MET: variants seen among roughly 807,000 people sequenced by gnomAD.
The protein encoded by MET is hepatocyte growth factor receptor.
In MET, 48 loss-of-function variants were observed where a neutral mutation model predicts 133.1. The ratio of observed to expected loss-of-function variants is 0.36; its 90% CI spans 0.29 to 0.46. The LOEUF (loss-of-function observed/expected upper bound fraction) is 0.46, where lower values mean the gene tolerates loss of function less well. Ranked by LOEUF, MET falls within the 20% of genes least tolerant of loss-of-function variation. The pLI is 1.00. For synonymous variants in MET, 628 were observed against 616.5 expected (o/e 1.02, Z -0.28); for missense variants, 1,442 against 1,695.9 (o/e 0.85, Z 2.63).
chr7:116,735,532 T>C (rs1218669045), intron 3 of MET, among the ~76,000 whole-genome samples: 1 of 152,162 alleles, frequency 6.6e-6, no homozygotes, highest in African/African-American at 2.4e-5. Context: ...GTGAGAAGCC[T>C]GTAGTATGCA....
At chr7:116,729,403 A>G (rs1190129568) in intron 2 of MET, among the ~76,000 whole-genome samples, 1 of 152,222 alleles carries the variant, frequency 6.6e-6, no homozygotes, top group East Asian at 1.9e-4. Flanking sequence ...AAAAGTCAGT[A>G]GATGTAAAAA....
At chr7:116,757,606 G>A (rs564891216) in intron 7 of MET, 32 bp from the exon 8 acceptor site, 8 of 1,613,524 alleles carry the variant, frequency 5.0e-6, no homozygotes, top group South Asian at 4.4e-5. Context: ...AGATGAACAA[G>A]TTACTTTGTT....
chr7:116,717,665 T>C (rs1320874990), intron 2 of MET, among the ~76,000 whole-genome samples: 1 of 152,206 alleles, frequency 6.6e-6, no homozygotes, highest in East Asian at 1.9e-4. Context: ...TGGCAAAGAT[T>C]TTACAAGATA....
chr7:116,692,618 G>A (rs1350111216), intron 1 of MET, among the ~76,000 whole-genome samples: 5 of 152,176 alleles, frequency 3.3e-5, no homozygotes, highest in South Asian at 2.1e-4. Context: ...AGATTAAGTC[G>A]CTGGTTTTAA....
intron 2 of MET, among the ~76,000 whole-genome samples, chr7:116,731,451 A>G (rs2116776914): frequency 6.6e-6 from 1 of 152,296 alleles, no homozygotes; most frequent in East Asian, 1.9e-4. Context: ...CATGGTGTGA[A>G]TTGCGATAGT....
At chr7:116,741,968 C>T (rs376372586) in intron 5 of MET, among the ~76,000 whole-genome samples, 2 of 152,166 alleles carry the variant, frequency 1.3e-5, no homozygotes, top group African/African-American at 4.8e-5. Context: ...ATGAAAATCT[C>T]CACGCAATTT....
intron 1 of MET, among the ~76,000 whole-genome samples, chr7:116,682,131 A>G (rs57407780): frequency 0.15 from 22,313 of 152,168 alleles, 2,790 homozygotes; most frequent in African/African-American, 0.34. Context: ...TCTTCAAAGA[A>G]CTTACCAAAA....
chr7:116,727,795 C>A (rs894911498), intron 2 of MET, among the ~76,000 whole-genome samples: 1 of 152,178 alleles, frequency 6.6e-6, no homozygotes, highest in African/African-American at 2.4e-5. Context: ...GATAAAGCAA[C>A]CCCGTCTTTT....
intron 5 of MET, among the ~76,000 whole-genome samples, chr7:116,744,116 CA>C (rs1286873438): frequency 6.6e-6 from 1 of 151,794 alleles, no homozygotes; most frequent in Admixed American, 6.6e-5. Context: ...TTCCAAAAAC[CA>C]GAACACCTCT....
intron 3 of MET, among the ~76,000 whole-genome samples, 185 bp downstream of exon 3, chr7:116,732,044 T>A (rs1305791402): frequency 1.3e-5 from 2 of 152,266 alleles, no homozygotes; most frequent in Non-Finnish European, 2.9e-5. Context: ...GGTCTCTTTT[T>A]ATTAAGTTCT....
At chr7:116,684,073 T>C (rs1214291712) in intron 1 of MET, among the ~76,000 whole-genome samples, 1 of 152,208 alleles carries the variant, frequency 6.6e-6, no homozygotes, top group African/African-American at 2.4e-5. Flanking sequence ...GACCAGAAGC[T>C]ACATCAGGGT....
intron 19 of MET, among the ~76,000 whole-genome samples, chr7:116,792,456 GACACACACACACAC>G (rs56212730): frequency 1.3e-3 from 101 of 80,736 alleles, no homozygotes; most frequent in Middle Eastern, 0.012. Context: ...TCAACCGACA[GACACACACACACAC>G]ACACACACAC....
chr7:116,705,246 C>T (rs1203398258), intron 2 of MET, among the ~76,000 whole-genome samples: 1 of 152,048 alleles, frequency 6.6e-6, no homozygotes, highest in Non-Finnish European at 1.5e-5. Flanking sequence ...CAGGAAACCA[C>T]AAGGACCGTT....
chr7:116,684,117 T>C (rs1242122235), intron 1 of MET, among the ~76,000 whole-genome samples: 3 of 152,168 alleles, frequency 2.0e-5, no homozygotes, highest in Non-Finnish European at 2.9e-5. Context: ...ACCCTCAAAG[T>C]CTCCTCTCCC....
intron 1 of MET, among the ~76,000 whole-genome samples, chr7:116,688,262 T>C (rs1311773989): frequency 3.9e-5 from 6 of 152,140 alleles, no homozygotes; most frequent in African/African-American, 1.4e-4. Flanking sequence ...CTTGGAAAGA[T>C]GTTTCTCAAA....
At chr7:116,708,600 G>T (rs1043088645) in intron 2 of MET, among the ~76,000 whole-genome samples, 1 of 152,042 alleles carries the variant, frequency 6.6e-6, no homozygotes, top group Non-Finnish European at 1.5e-5. Context: ...TTATTATGTG[G>T]TTCTTCTTCA....
At chr7:116,756,099 G>A (rs1794168535) in intron 6 of MET, among the ~76,000 whole-genome samples, 1 of 152,164 alleles carries the variant, frequency 6.6e-6, no homozygotes, top group South Asian at 2.1e-4. Flanking sequence ...TATAAAAGAG[G>A]TACCTGAAGT....
chr7:116,723,275 G>A (rs1256449467), intron 2 of MET, among the ~76,000 whole-genome samples: 28 of 143,188 alleles, frequency 2.0e-4, no homozygotes, highest in Middle Eastern at 3.5e-3. Flanking sequence ...TGATCGCATC[G>A]GCTCCTGAGG....
chr7:116,715,255 G>A (rs1480982760), intron 2 of MET, among the ~76,000 whole-genome samples: 1 of 152,188 alleles, frequency 6.6e-6, no homozygotes, highest in African/African-American at 2.4e-5. Flanking sequence ...CATGGTTCTG[G>A]AGGCCAGATG....
Sources: gnomAD v4.1 joint callset for allele counts (sites outside exome capture counted in the v4.1 genomes callset) on GRCh38, gnomAD v4.1.1 for gene constraint, MANE v1.5 for transcripts, NCBI Gene and HGNC (gene_info 2026-07-23, HGNC 2026-07-21) for gene names.